MAN1C1: variants seen among roughly 807,000 people sequenced by gnomAD.
The protein encoded by MAN1C1 is mannosidase alpha class 1C member 1, also known as mannosyl-oligosaccharide 1,2-alpha-mannosidase IC.
MAN1C1 carries 49 observed loss-of-function variants against 71.5 expected under a neutral mutation model. The ratio of observed to expected loss-of-function variants is 0.69; its 90% CI spans 0.54 to 0.87. The LOEUF (loss-of-function observed/expected upper bound fraction) is 0.87. Ranked by LOEUF, MAN1C1 falls within the 40% of genes least tolerant of loss-of-function variation. MAN1C1 has a pLI of 0.00. For synonymous variants in MAN1C1, 352 were observed against 343.7 expected (o/e 1.02, Z -0.27); for missense variants, 743 against 835.0 (o/e 0.89, Z 1.36).
intron 7 of MAN1C1, among the ~76,000 whole-genome samples, chr1:25,767,856 C>T (rs1439986082): frequency 1.5e-5 from 2 of 132,626 alleles, no homozygotes; most frequent in Non-Finnish European, 1.6e-5. Flanking sequence ...ATTACATACA[C>T]TCCCCCCACA....
At chr1:25,703,630 G>A (rs1453371318) in intron 2 of MAN1C1, among the ~76,000 whole-genome samples, 2 of 152,094 alleles carry the variant, frequency 1.3e-5, no homozygotes, top group Admixed American at 6.5e-5. Flanking sequence ...GCAGTGAGCC[G>A]AGATCGTGCC....
intron 2 of MAN1C1, among the ~76,000 whole-genome samples, chr1:25,739,184 T>A (rs2047023267): frequency 6.6e-6 from 1 of 152,126 alleles, no homozygotes; most frequent in Admixed American, 6.5e-5. Flanking sequence ...ATTCCGTTGG[T>A]CCAGATGATC....
At chr1:25,692,368 G>A (rs1300469957) in intron 2 of MAN1C1, among the ~76,000 whole-genome samples, 1 of 152,198 alleles carries the variant, frequency 6.6e-6, no homozygotes, top group Non-Finnish European at 1.5e-5. Context: ...CACCATAGCT[G>A]TATTCACTCT....
At chr1:25,760,359 C>G (rs1231504446) in intron 6 of MAN1C1, 1 of 152,216 alleles carries the variant, frequency 6.6e-6, no homozygotes, top group African/African-American at 2.4e-5. Flanking sequence ...CTGGCTCCTT[C>G]CAGACCAGAT....
intron 7 of MAN1C1, among the ~76,000 whole-genome samples, chr1:25,768,541 ACACAC>A (rs1172102654): frequency 9.0e-5 from 8 of 89,180 alleles, no homozygotes; most frequent in African/African-American, 8.2e-5. Context: ...CTCCCCTCAC[ACACAC>A]CACACACACA....
rs2124413774 is a variant in MAN1C1, at chr1:25,778,487, C to T, written c.1477+163C>T. On this transcript the variant is annotated intron_variant, in intron 9 of 11. Transcript: ENST00000374332. This position sits in a 1 kb window ranked among gnomAD's most constrained non-coding sequence, Gnocchi z 5.5. ...AGAGGTACTCTCCAGGCTCCGAGAC[C>T]ATACCCTGAATGAAAGGGAAACTAG... Among the ~76,000 whole-genome samples, 3 of 152,276 alleles carry T rather than the reference C, an allele frequency of 2.0e-5. 1 individual carries two copies. The highest frequency in any genetic ancestry group is 2.0e-4 in the Admixed American group (3 of 15,292).
At chr1:25,720,191 T>A (rs566201560) in intron 2 of MAN1C1, among the ~76,000 whole-genome samples, 1 of 151,852 alleles carries the variant, frequency 6.6e-6, no homozygotes, top group South Asian at 2.1e-4. Flanking sequence ...TATATTCAAA[T>A]ATATATTCAA....
At chr1:25,770,551 C>T (rs1049388221) in intron 7 of MAN1C1, among the ~76,000 whole-genome samples, 1 of 152,194 alleles carries the variant, frequency 6.6e-6, no homozygotes, top group Admixed American at 6.5e-5. Flanking sequence ...CTTGGATGAG[C>T]CATTTAGGCC....
chr1:25,688,405 C>T (rs1377503652), intron 2 of MAN1C1, among the ~76,000 whole-genome samples: 1 of 152,198 alleles, frequency 6.6e-6, no homozygotes, highest in East Asian at 1.9e-4. Flanking sequence ...CTTCCTCCTT[C>T]TCTCTAAACA....
At chr1:25,742,945 G>A (rs2047081206) in intron 2 of MAN1C1, among the ~76,000 whole-genome samples, 1 of 152,130 alleles carries the variant, frequency 6.6e-6, no homozygotes, top group South Asian at 2.1e-4. Flanking sequence ...GTGAACTAAG[G>A]GACCCCAGAA....
chr1:25,618,103 C>T lies in MAN1C1; in HGVS notation c.306C>T (p.Pro102=), dbSNP rs772934268. 1.3e-6 allele frequency: 2 copies of T among 1,513,740 alleles called. No homozygotes were observed. The highest frequency in any genetic ancestry group is 1.8e-6 in the Non-Finnish European group (2 of 1,138,838). The allele number at this position is 1,513,740 out of a possible 1,614,324, so 93.8% of individuals were successfully genotyped here. ...ATGACCCCAGCAGCTGGGCCAGTCC[C>T]CGCCGCAGGAAAGGGGGGCTGCGGC... ...GEDDPSSWAS[P]RRRKGGLRRT... The change falls in exon 1 of 12, where the codon CCC becomes CCT. Residue 102 remains proline (P), a synonymous_variant. Transcript: ENST00000374332.
At chr1:25,770,999 C>T (rs1026704474) in intron 7 of MAN1C1, among the ~76,000 whole-genome samples, 7 of 152,214 alleles carry the variant, frequency 4.6e-5, no homozygotes, top group Non-Finnish European at 1.0e-4. Flanking sequence ...CCTCCTGGGA[C>T]GGCCCTGGGT....
chr1:25,727,284 A>G (rs912586261), intron 2 of MAN1C1, among the ~76,000 whole-genome samples: 1 of 152,180 alleles, frequency 6.6e-6, no homozygotes, highest in Admixed American at 6.5e-5. Context: ...GCCTGTGGAT[A>G]GACTTTGGAA....
At chr1:25,671,096 C>G (rs1195528185) in intron 1 of MAN1C1, among the ~76,000 whole-genome samples, 1 of 152,140 alleles carries the variant, frequency 6.6e-6, no homozygotes, top group Non-Finnish European at 1.5e-5. Context: ...CCATGCTGGT[C>G]TCAAACTCCT....
chr1:25,646,353 G>A (rs1307622562), intron 1 of MAN1C1: 1 of 152,276 alleles, frequency 6.6e-6, no homozygotes, highest in Non-Finnish European at 1.5e-5. Context: ...CATCGTCCTG[G>A]GCCTTCCAGG....
chr1:25,724,824 A>G (rs1266134775), intron 2 of MAN1C1, among the ~76,000 whole-genome samples: 2 of 152,228 alleles, frequency 1.3e-5, no homozygotes, highest in East Asian at 3.8e-4. Flanking sequence ...CTAATCCTTT[A>G]CTTGCTACTG....
At position 25,718,799 on chromosome 1, in the gene MAN1C1, A is replaced by G. The variant is rs370031408; in HGVS notation, c.638-27869A>G. Among the ~76,000 whole-genome samples, 35 of 152,312 alleles carry G rather than the reference A, an allele frequency of 2.3e-4. 1 individual carries two copies. In the South Asian group the frequency reaches 3.7e-3, roughly 16 times the overall value. On this transcript the variant is annotated intron_variant, in intron 2 of 11. Transcript: ENST00000374332. ...TACATTGATGAATAATTCATTATAA[A>G]TCTACCACATCTTATTTATTCATTT...
rs2046892426 is a variant in MAN1C1 at position 25,730,403 on chromosome 1, T to G, written c.638-16265T>G. ...TGAAAGCCACACTGCCAAAATCAGATTTTTTTTTTTTTTTAGTTTTCTCAG... is the reference window on the plus strand; with the variant it reads ...TGAAAGCCACACTGCCAAAATCAGAGTTTTTTTTTTTTTTAGTTTTCTCAG... On this transcript the variant is annotated intron_variant, in intron 2 of 11. Coordinates refer to ENST00000374332, the MANE Select transcript of MAN1C1 (RefSeq NM_020379.4). This position sits in a 1 kb window ranked among gnomAD's most constrained non-coding sequence, Gnocchi z 4.3. Among the ~76,000 whole-genome samples the G allele has an allele frequency of 8.6e-6, 1 of 116,568 alleles. No homozygotes were observed. Among genetic ancestry groups the G allele is most frequent in the Admixed American group, 7.9e-5 (1 of 12,634 alleles). 76.5% of individuals were successfully genotyped at this position (116,568 alleles called of 152,430 possible). A position where few individuals can be genotyped will look rare whatever the true frequency, so the allele number is the denominator to read the frequency against.
chr1:25,771,904 T>G (rs1366175054), intron 8 of MAN1C1, 132 bp downstream of exon 8: 1 of 670,118 alleles, frequency 1.5e-6, no homozygotes, highest in Non-Finnish European at 2.6e-6. Flanking sequence ...AATGAACCGG[T>G]GAGAAGATTG....
Sources: allele counts gnomAD v4.1 joint callset (sites outside exome capture counted in the v4.1 genomes callset), GRCh38; gene constraint gnomAD v4.1.1; non-coding constraint Gnocchi (gnomAD v3.1); transcripts MANE v1.5; gene names NCBI Gene and HGNC (gene_info 2026-07-23, HGNC 2026-07-21).